SMIM12: variants seen among roughly 807,000 people sequenced by gnomAD.
SMIM12 encodes small integral membrane protein 12, also known as UPF0767 protein C1orf212.
In SMIM12, 5 loss-of-function variants were observed where a neutral mutation model predicts 6.3. The ratio of observed to expected loss-of-function variants is 0.80; its 90% CI spans 0.42 to 1.68. The LOEUF (loss-of-function observed/expected upper bound fraction) is 1.68, where lower values mean the gene tolerates loss of function less well. Among genes scored for constraint, SMIM12 ranks in the 40% most tolerant of loss-of-function variants. The pLI, the probability that SMIM12 is intolerant of heterozygous loss-of-function variation, is 0.02. For synonymous variants in SMIM12, 51 were observed against 48.0 expected (o/e 1.06, Z -0.26); for missense variants, 103 against 121.4 (o/e 0.85, Z 0.71).
rs1007523400 is a variant in SMIM12, at chr1:34,853,444, C to G, written c.*2255G>C. 3 of 152,198 alleles carry G rather than the reference C, an allele frequency of 2.0e-5. No individual in the cohort carries two copies. Among genetic ancestry groups the G allele is most frequent in the Non-Finnish European group, 4.4e-5 (3 of 68,034 alleles). The allele number at this position is 152,198 out of a possible 1,614,324, so 9.4% of individuals were successfully genotyped here. On this transcript the variant is annotated 3_prime_UTR_variant, in exon 2 of 2. Coordinates refer to ENST00000521580, the MANE Select transcript of SMIM12 (RefSeq NM_138428.6). ...AGATTTAGTAGAAACTCCTAGAGCC[C>G]TTTTGGAAAGACATTTGGTGTTATG...
At position 34,855,551 on chromosome 1, in the gene SMIM12, G is replaced by A; in HGVS notation, c.*148C>T. The A allele has an allele frequency of 6.2e-7, 1 of 1,612,802 alleles. No homozygotes were observed. The highest frequency in any genetic ancestry group is 1.1e-5 in the South Asian group (1 of 90,240). On this transcript the variant is annotated 3_prime_UTR_variant, in exon 2 of 2. Coordinates refer to ENST00000521580, the MANE Select transcript of SMIM12 (RefSeq NM_138428.6). ...GCTGCTGGGTCTGCCTGGCCATCAA[G>A]GAGCAGCCAGTATTTGTGTGGCTGT...
At position 34,855,136 on chromosome 1, in the gene SMIM12, A is replaced by T; in HGVS notation, c.*563T>A. 7.4e-7 allele frequency: 1 copy of T among 1,350,136 alleles called. No individual in the cohort carries two copies. The highest frequency in any genetic ancestry group is 9.9e-7 in the Non-Finnish European group (1 of 1,012,192). The allele number at this position is 1,350,136 out of a possible 1,614,324, so 83.6% of individuals were successfully genotyped here. ...CTGTTTTCAAGCAAATTCACGAGGC[A>T]CATGTTCGTCCCTGCCCCAAAGTGA... On this transcript the variant is annotated 3_prime_UTR_variant, in exon 2 of 2. Transcript: ENST00000521580.
Position 34,851,482 on chromosome 1 carries a change from C to G in SMIM12, c.*4217G>C, listed in dbSNP as rs185793670. ...AGCAAAGTAGAAAAGGAAAAGTGAGCAAGACGGAGGGGCTTTTACATTTTC... is the reference window on the plus strand; with the variant it reads ...AGCAAAGTAGAAAAGGAAAAGTGAGGAAGACGGAGGGGCTTTTACATTTTC... On this transcript the variant is annotated 3_prime_UTR_variant, in exon 2 of 2. Transcript: ENST00000521580. The G allele has an allele frequency of 5.3e-5, 8 of 152,346 alleles. 1 individual carries two copies. In the East Asian group the frequency reaches 5.8e-4, roughly 11 times the overall value. The allele number at this position is 152,346 out of a possible 1,614,324, so 9.4% of individuals were successfully genotyped here.
rs756751008 is a variant in SMIM12 at position 34,855,795 on chromosome 1, A to C, written c.183T>G (p.Leu61=). The change falls in exon 2 of 2, where the codon CTT becomes CTG. Residue 61 remains leucine (L), a synonymous_variant. Coordinates refer to ENST00000521580, the MANE Select transcript of SMIM12 (RefSeq NM_138428.6). ...ERREDRKLDE[L]LGKDHTQVVS... ...CCACCTGCGTGTGGTCCTTGCCTAG[A>C]AGCTCATCCAGCTTGCGATCCTCCC... The C allele has an allele frequency of 6.4e-7, 1 of 1,557,478 alleles. No homozygotes were observed. Among genetic ancestry groups the C allele is most frequent in the South Asian group, 1.2e-5 (1 of 84,960 alleles).
chr1:34,852,584 T>C lies in SMIM12; in HGVS notation c.*3115A>G, dbSNP rs1638486474. The C allele has an allele frequency of 6.6e-6, 1 of 151,750 alleles. No homozygotes were observed. Among genetic ancestry groups the C allele is most frequent in the South Asian group, 2.1e-4 (1 of 4,808 alleles). 9.4% of individuals were successfully genotyped at this position (151,750 alleles called of 1,614,324 possible). A position where few individuals can be genotyped will look rare whatever the true frequency, so the allele number is the denominator to read the frequency against. On this transcript the variant is annotated 3_prime_UTR_variant, in exon 2 of 2. Coordinates refer to ENST00000521580, the MANE Select transcript of SMIM12 (RefSeq NM_138428.6). ...AACCCCACGGGTATGATAGCATGCTTAGAATTTTGTATAATGAATTATCAA... is the reference window on the plus strand; with the variant it reads ...AACCCCACGGGTATGATAGCATGCTCAGAATTTTGTATAATGAATTATCAA...
rs1640954957 is a variant in SMIM12 at position 34,852,392 on chromosome 1, C to T, written c.*3307G>A. Among the ~76,000 whole-genome samples the T allele has an allele frequency of 7.2e-6, 1 of 139,246 alleles. No homozygotes were observed. The highest frequency in any genetic ancestry group is 1.5e-5 in the Non-Finnish European group (1 of 66,384). 91.4% of individuals were successfully genotyped at this position (139,246 alleles called of 152,430 possible). ...CTTAGGTTATTAAGCTGCCTTTGTA[C>T]AGGATGCCCAAAAGTGTTTTGAGGG... On this transcript the variant is annotated 3_prime_UTR_variant, in exon 2 of 2. Coordinates refer to ENST00000521580, the MANE Select transcript of SMIM12 (RefSeq NM_138428.6).
In SMIM12 at chr1:34,855,530, C is replaced by T; in HGVS notation, c.*169G>A. 1 of 1,612,026 alleles carries T rather than the reference C, an allele frequency of 6.2e-7. No individual in the cohort carries two copies. The highest frequency in any genetic ancestry group is 1.1e-5 in the South Asian group (1 of 90,232). On this transcript the variant is annotated 3_prime_UTR_variant, in exon 2 of 2. Coordinates refer to ENST00000521580, the MANE Select transcript of SMIM12 (RefSeq NM_138428.6). ...CTCTTCACTGGCCCCTCGGCTGCTG[C>T]TGGGTCTGCCTGGCCATCAAGGAGC...
At position 34,852,317 on chromosome 1, in the gene SMIM12, G is replaced by A. The variant is rs1432413987; in HGVS notation, c.*3382C>T. On this transcript the variant is annotated 3_prime_UTR_variant, in exon 2 of 2. Transcript: ENST00000521580. ...GATCTGAAAATCCAAAAATGTCCAT[G>A]GGAAATGTGTTTGCTATTATTTCTG... Among the ~76,000 whole-genome samples, 1 of 152,114 alleles carries A rather than the reference G, an allele frequency of 6.6e-6. No individual in the cohort carries two copies.
chr1:34,851,000 T>A lies in SMIM12; in HGVS notation c.*4699A>T, dbSNP rs1476017155. 2 of 152,110 alleles carry A rather than the reference T, an allele frequency of 1.3e-5. No homozygotes were observed. The highest frequency in any genetic ancestry group is 3.9e-4 in the East Asian group (2 of 5,188). 9.4% of individuals were successfully genotyped at this position (152,110 alleles called of 1,614,324 possible). ...CCCTCAACCACCAGGTCTATGAGGG[T>A]CCCTGTTGTCCCTCAGCCAAGGCTG... On this transcript the variant is annotated 3_prime_UTR_variant, in exon 2 of 2. Coordinates refer to ENST00000521580, the MANE Select transcript of SMIM12 (RefSeq NM_138428.6).
rs1399262011 is a variant in SMIM12 at position 34,851,775 on chromosome 1, C to T, written c.*3924G>A. The stretch of plus-strand genomic sequence containing the variant: ...GCTCGGAGAGGACCCTATACTAAAG[C>T]CACCACCATCATTGGGCTGGGAAGA... On this transcript the variant is annotated 3_prime_UTR_variant, in exon 2 of 2. Coordinates refer to ENST00000521580, the MANE Select transcript of SMIM12 (RefSeq NM_138428.6). Among the ~76,000 whole-genome samples, 1 of 152,198 alleles carries T rather than the reference C, an allele frequency of 6.6e-6. No individual in the cohort carries two copies. Among genetic ancestry groups the T allele is most frequent in the African/African-American group, 2.4e-5 (1 of 41,454 alleles).
Position 34,855,965 on chromosome 1 carries a change from A to G in SMIM12, c.13T>C (p.Phe5Leu). 6.5e-7 allele frequency: 1 copy of G among 1,546,994 alleles called. No individual in the cohort carries two copies. Among genetic ancestry groups the G allele is most frequent in the South Asian group, 1.2e-5 (1 of 83,980 alleles). Residue 5 changes from phenylalanine to leucine, a missense_variant, in exon 2 of 2, where the codon TTT (phenylalanine) becomes CTT (leucine). Phe to Leu is a conservative substitution (Grantham distance 22). Transcript: ENST00000521580. Reference protein sequence around the residue: MWPVFWTVVRTYAPY... With the variant: MWPVLWTVVRTYAPY... ...GCATAGGTACGAACCACGGTCCAAA[A>G]CACAGGCCACATGACATCTGCGGAA...
Position 34,855,873 on chromosome 1 carries a change from G to C in SMIM12, c.105C>G (p.Ile35Met). ...GAVGYHLEWFIRGKDPQPVEE... is the reference protein window; with the variant it reads ...GAVGYHLEWFMRGKDPQPVEE... ...CCACGGGCTGGGGGTCCTTTCCCCT[G>C]ATGAACCATTCCAGGTGGTAACCCA... Residue 35 changes from isoleucine to methionine, a missense_variant, in exon 2 of 2, where the codon ATC (isoleucine) becomes ATG (methionine). Physicochemically the swap from Ile to Met is conservative, Grantham distance 10. Transcript: ENST00000521580. 6.4e-7 allele frequency: 1 copy of C among 1,551,682 alleles called. No homozygotes were observed. The highest frequency in any genetic ancestry group is 1.2e-5 in the South Asian group (1 of 84,060).
At chr1:34,858,439 A>T (rs1638720508) in intron 1 of SMIM12, 1 of 152,210 alleles carries the variant, frequency 6.6e-6, no homozygotes, top group South Asian at 2.1e-4. Flanking sequence ...AGAGCTTCCT[A>T]CAGTTTTTTC....
intron 1 of SMIM12, 82 bp downstream of exon 1, chr1:34,859,595 G>C (rs371296115): frequency 1.3e-5 from 2 of 152,350 alleles, no homozygotes; most frequent in South Asian, 2.1e-4. Flanking sequence ...GACCGGGGTG[G>C]ACCCTAGCGA....
chr1:34,854,966 A>G lies in SMIM12; in HGVS notation c.*733T>C, dbSNP rs187200092. 4.0e-5 allele frequency: 39 copies of G among 965,900 alleles called. No homozygotes were observed. In the Admixed American group the frequency reaches 1.0e-3, roughly 25 times the overall value. The allele number at this position is 965,900 out of a possible 1,614,324, so 59.8% of individuals were successfully genotyped here. A position where few individuals can be genotyped will look rare whatever the true frequency, so the allele number is the denominator to read the frequency against. ...CTTGGCACCCTTTAATACCAATGTT[A>G]TCCTGCTCTAAAATGCCTGTACTTG... On this transcript the variant is annotated 3_prime_UTR_variant, in exon 2 of 2. Transcript: ENST00000521580.
rs1349882342 is a variant in SMIM12, at chr1:34,855,169, G to A, written c.*530C>T. 7.3e-7 allele frequency: 1 copy of A among 1,367,152 alleles called. No individual in the cohort carries two copies. The highest frequency in any genetic ancestry group is 9.8e-7 in the Non-Finnish European group (1 of 1,021,678). The allele number at this position is 1,367,152 out of a possible 1,614,324, so 84.7% of individuals were successfully genotyped here. A position where few individuals can be genotyped will look rare whatever the true frequency, so the allele number is the denominator to read the frequency against. ...GTCCCTGCCCCAAAGTGAACAGTCT[G>A]GGCTTCCCAGAACAGAAAAGTGCTT... On this transcript the variant is annotated 3_prime_UTR_variant, in exon 2 of 2. Coordinates refer to ENST00000521580, the MANE Select transcript of SMIM12 (RefSeq NM_138428.6).
chr1:34,855,010 CCCCAAATACCA>C lies in SMIM12; in HGVS notation c.*678_*688del. On this transcript the variant is annotated 3_prime_UTR_variant, in exon 2 of 2. Coordinates refer to ENST00000521580, the MANE Select transcript of SMIM12 (RefSeq NM_138428.6). Reference sequence around the variant, plus strand: ...GTACTTGCCTAACTCCTAAGAAGACCCCCAAATACCACCTGGATGATAAGATTCGATCATTA... The same window carrying C: ...GTACTTGCCTAACTCCTAAGAAGACCCCTGGATGATAAGATTCGATCATTA... 8.1e-7 allele frequency: 1 copy of C among 1,239,294 alleles called. No homozygotes were observed. The highest frequency in any genetic ancestry group is 1.0e-6 in the Non-Finnish European group (1 of 952,900). 76.8% of individuals were successfully genotyped at this position (1,239,294 alleles called of 1,614,324 possible).
At position 34,853,530 on chromosome 1, in the gene SMIM12, T is replaced by C. The variant is rs1638539357; in HGVS notation, c.*2169A>G. On this transcript the variant is annotated 3_prime_UTR_variant, in exon 2 of 2. Coordinates refer to ENST00000521580, the MANE Select transcript of SMIM12 (RefSeq NM_138428.6). ...CATCCAAAATGACATTTACTATTTTTACTGTTTATTCCAAAACGCAGGAAA... is the reference window on the plus strand; with the variant it reads ...CATCCAAAATGACATTTACTATTTTCACTGTTTATTCCAAAACGCAGGAAA... 6.6e-6 allele frequency: 1 copy of C among 152,256 alleles called. No individual in the cohort carries two copies. The highest frequency in any genetic ancestry group is 2.4e-5 in the African/African-American group (1 of 41,470). 9.4% of individuals were successfully genotyped at this position (152,256 alleles called of 1,614,324 possible).
rs1363514979 is a variant in SMIM12, at chr1:34,852,476, A to AT, written c.*3222_*3223insA. On this transcript the variant is annotated 3_prime_UTR_variant, in exon 2 of 2. Coordinates refer to ENST00000521580, the MANE Select transcript of SMIM12 (RefSeq NM_138428.6). The stretch of plus-strand genomic sequence containing the variant: ...TTGTTAGATCGCCAAAAAAAAAAAA[A>AT]AAAAAAAAACCATAATTATAGGTGT... Among the ~76,000 whole-genome samples the AT allele has an allele frequency of 6.7e-6, 1 of 149,742 alleles. No homozygotes were observed. Among genetic ancestry groups the AT allele is most frequent in the Admixed American group, 6.6e-5 (1 of 15,132 alleles).
Sources: allele counts gnomAD v4.1 joint callset (sites outside exome capture counted in the v4.1 genomes callset), GRCh38; gene constraint gnomAD v4.1.1; transcripts MANE v1.5; gene names NCBI Gene and HGNC (gene_info 2026-07-23, HGNC 2026-07-21).